MYH2: variants seen among roughly 807,000 people sequenced by gnomAD.
MYH2 encodes myosin heavy chain 2, also known as myosin-2.
A neutral mutation model predicts 228.1 loss-of-function variants in MYH2; 139 were observed. The ratio of observed to expected loss-of-function variants is 0.61; its 90% CI spans 0.53 to 0.70. MYH2 has a LOEUF of 0.70. Ranked by LOEUF, MYH2 falls within the 30% of genes least tolerant of loss-of-function variation. MYH2 has a pLI of 0.00. For synonymous variants in MYH2, 796 were observed against 871.1 expected, an observed-to-expected ratio of 0.91 and a Z score of 1.52; for missense variants, 1,809 against 2,357.5, an observed-to-expected ratio of 0.77 and a Z score of 4.82.
rs2277653 is a variant in MYH2, at chr17:10,539,660, T to C, written c.1148-98A>G. ...ACTACAAGTATTTTGTGCAGTGTTT[T>C]AAATATCTCTTTCTGAGTATCCTTA... is the stretch of plus-strand genomic sequence containing the variant. On this transcript the variant is annotated intron_variant, in intron 12 of 39. Coordinates refer to ENST00000245503, the MANE Select transcript of MYH2 (RefSeq NM_017534.6). The C allele has an allele frequency of 0.44, 576,082 of 1,319,806 alleles. 132,189 individuals are homozygous for C. The highest frequency in any genetic ancestry group is 0.84 in the East Asian group (35,696 of 42,474). The allele number at this position is 1,319,806 out of a possible 1,614,324, so 81.8% of individuals were successfully genotyped here. A position where few individuals can be genotyped will look rare whatever the true frequency, so the allele number is the denominator to read the frequency against.
rs751609117 is a variant in MYH2, at chr17:10,528,946, G to T, written c.3488C>A (p.Thr1163Asn). ...CTTGTTCATCTCAATCTGGGCTGAA[G>T]TGGCCCCACCGGCTTCTTCCAGCCT... ...SERLEEAGGA[T>N]SAQIEMNKKR... The change falls in exon 27 of 40, where the codon ACT becomes AAT. Residue 1163 changes from threonine (T) to asparagine (N), a missense_variant. Physicochemically the swap from Thr to Asn is moderately conservative, Grantham distance 65. This residue lies in a region of MYH2 where 636 missense variants were observed against 729.9 expected (regional missense o/e 0.87). Transcript: ENST00000245503. 1.2e-6 allele frequency: 2 copies of T among 1,614,164 alleles called. No homozygotes were observed. Among genetic ancestry groups the T allele is most frequent in the African/African-American group, 1.3e-5 (1 of 75,068 alleles).
intron 14 of MYH2, among the ~76,000 whole-genome samples, chr17:10,538,251 A>T (rs1213455250): frequency 6.6e-6 from 1 of 151,956 alleles, no homozygotes; most frequent in Non-Finnish European, 1.5e-5. Context: ...CTTGGCAATC[A>T]CATGGTCAGC....
intron 4 of MYH2, among the ~76,000 whole-genome samples, chr17:10,546,929 GAA>G (rs35429711): frequency 4.2e-5 from 6 of 143,556 alleles, no homozygotes; most frequent in South Asian, 4.4e-4. Context: ...AAAAAAATAC[GAA>G]AAAAAAAAAA....
In MYH2 at chr17:10,524,226, A is replaced by G. The variant is rs1567727130; in HGVS notation, c.5175+240T>C. On this transcript the variant is annotated intron_variant, in intron 35 of 39. Transcript: ENST00000245503. This position sits in a 1 kb window ranked among gnomAD's most constrained non-coding sequence, Gnocchi z 4.7. ...GTGAATATTGATAATGAGGGCCAAT[A>G]AAGATATTAACACAATAGAATACGG... 6.6e-6 allele frequency among the ~76,000 whole-genome samples: 1 copy of G among 152,218 alleles called. No individual in the cohort carries two copies. Among genetic ancestry groups the G allele is most frequent in the Non-Finnish European group, 1.5e-5 (1 of 68,040 alleles).
At position 10,524,655 on chromosome 17, in the gene MYH2, G is replaced by A. The variant is rs2142292175; in HGVS notation, c.4986C>T (p.His1662=). Residue 1662 remains histidine, a synonymous_variant, in exon 35 of 40, where the codon CAC becomes CAT. Coordinates refer to ENST00000245503, the MANE Select transcript of MYH2 (RefSeq NM_017534.6). This position sits in a 1 kb window ranked among gnomAD's most constrained non-coding sequence, Gnocchi z 4.7. The part of the protein sequence containing the change: ...TQGILKDTQI[H]LDDALRSQED... ...CCTGGCTCCGGAGAGCATCATCCAG[G>A]TGGATCTGGGTATCCTGTGAAACAA... 1.9e-6 allele frequency: 3 copies of A among 1,614,220 alleles called. No individual in the cohort carries two copies. Among genetic ancestry groups the A allele is most frequent in the South Asian group, 1.1e-5 (1 of 91,088 alleles).
chr17:10,530,546 G>A (rs79034243), intron 22 of MYH2, among the ~76,000 whole-genome samples: 1 of 127,646 alleles, frequency 7.8e-6, no homozygotes, highest in African/African-American at 2.8e-5. Context: ...TTTTTTTTTT[G>A]TAGTACTGGA....
Position 10,540,007 on chromosome 17 carries a change from C to A in MYH2, c.1068G>T (p.Thr356=). 1 of 1,614,028 alleles carries A rather than the reference C, an allele frequency of 6.2e-7. No individual in the cohort carries two copies. Reference sequence around the variant, plus strand: ...GGTTCCCATAATGCATCACAGCCCCCGTGAGCTTGTAAATGGAGACCTTTT... The same window carrying A: ...GGTTCCCATAATGCATCACAGCCCCAGTGAGCTTGTAAATGGAGACCTTTT... ...NEEKVSIYKL[T]GAVMHYGNLK... The change falls in exon 12 of 40, where the codon ACG becomes ACT. Residue 356 remains threonine, a synonymous_variant. Coordinates refer to ENST00000245503, the MANE Select transcript of MYH2 (RefSeq NM_017534.6).
chr17:10,539,419 C>T, intron 13 of MYH2, 25 bp downstream of exon 13: 1 of 1,614,120 alleles, frequency 6.2e-7, no homozygotes, highest in Non-Finnish European at 8.5e-7. Flanking sequence ...TCATCCCTGG[C>T]AGTTAATTTG....
chr17:10,546,289 A>ATATATT (rs2073631133), intron 4 of MYH2, among the ~76,000 whole-genome samples: 1 of 139,922 alleles, frequency 7.1e-6, no homozygotes, highest in Admixed American at 7.2e-5. Flanking sequence ...ATATATATAT[A>ATATATT]CATCATGATT....
At chr17:10,522,554 T>C (rs2142289324) in intron 39 of MYH2, among the ~76,000 whole-genome samples, 1 of 152,152 alleles carries the variant, frequency 6.6e-6, no homozygotes, top group South Asian at 2.1e-4. Flanking sequence ...TACTGTTTTA[T>C]TATTATTTAT....
At chr17:10,527,107 G>T in intron 28 of MYH2, 51 bp from the exon 29 acceptor site, 1 of 1,527,688 alleles carries the variant, frequency 6.5e-7, no homozygotes, top group Non-Finnish European at 9.1e-7. Flanking sequence ...ACAAGATTCT[G>T]CAAGCCCATG....
intron 27 of MYH2, 27 bp from the exon 28 acceptor site, chr17:10,527,901 AAC>A (rs756518112): frequency 1.9e-6 from 3 of 1,609,666 alleles, no homozygotes; most frequent in Non-Finnish European, 2.5e-6. Context: ...AAAAGAAGAA[AAC>A]AGAGACCTTT....
chr17:10,537,146 C>G lies in MYH2; in HGVS notation c.1897+87G>C. 2 of 1,563,714 alleles carry G rather than the reference C, an allele frequency of 1.3e-6. No homozygotes were observed. Among genetic ancestry groups the G allele is most frequent in the South Asian group, 2.2e-5 (2 of 89,966 alleles). ...GGAACCAGGGGCTTGGTCTGCAACC[C>G]TTCTGCCAGACCTAAGAGATCACTA... On this transcript the variant is annotated intron_variant, in intron 16 of 39. Transcript: ENST00000245503. The surrounding 1 kb of genome is among the most constrained non-coding windows in gnomAD (Gnocchi z 4.0).
chr17:10,547,674 C>G (rs1567738581), intron 3 of MYH2, 43 bp downstream of exon 3: 1 of 1,614,024 alleles, frequency 6.2e-7, no homozygotes, highest in Non-Finnish European at 8.5e-7. Context: ...ACAACAACAA[C>G]AAAAATCAAT....
rs2073653873 is a variant in MYH2 at position 10,547,735 on chromosome 17, C to A, written c.186G>T (p.Val62=). 1 of 1,614,120 alleles carries A rather than the reference C, an allele frequency of 6.2e-7. No individual in the cohort carries two copies. The highest frequency in any genetic ancestry group is 1.7e-5 in the Admixed American group (1 of 60,014). ...IQSREGGKVT[V]KTEGGATLTV... is the part of the protein sequence containing the mutation. The stretch of plus-strand genomic sequence containing the variant: ...TACTCACCGCTCCTCCCTCAGTCTT[C>A]ACCGTCACTTTTCCTCCTTCTCTGC... The change falls in exon 3 of 40, where the codon GTG becomes GTT. Residue 62 remains valine, a synonymous_variant. Coordinates refer to ENST00000245503, the MANE Select transcript of MYH2 (RefSeq NM_017534.6).
chr17:10,543,067 G>T lies in MYH2; in HGVS notation c.805+31C>A. ...TCAGTTTTTTAGGTCATATGAATCA[G>T]AAATGATTTTAAAGATATCTGAACA... On this transcript the variant is annotated intron_variant, in intron 9 of 39. Coordinates refer to ENST00000245503, the MANE Select transcript of MYH2 (RefSeq NM_017534.6). 3 of 1,601,008 alleles carry T rather than the reference G, an allele frequency of 1.9e-6. No homozygotes were observed. In the South Asian group the frequency reaches 3.3e-5, roughly 18 times the overall value.
At chr17:10,546,832 C>T (rs1426508908) in intron 4 of MYH2, among the ~76,000 whole-genome samples, 1 of 151,584 alleles carries the variant, frequency 6.6e-6, no homozygotes, top group Non-Finnish European at 1.5e-5. Flanking sequence ...GTAATCCCAG[C>T]ACTTTGGGAG....
chr17:10,540,255 C>G (rs969577158), intron 11 of MYH2, among the ~76,000 whole-genome samples, 189 bp from the exon 12 acceptor site: 2 of 151,886 alleles, frequency 1.3e-5, no homozygotes, highest in African/African-American at 4.8e-5. Flanking sequence ...TAGGTGCATA[C>G]CCTCTGAAGA....
intron 30 of MYH2, 141 bp from the exon 31 acceptor site, chr17:10,526,017 C>T: frequency 1.0e-6 from 1 of 995,124 alleles, no homozygotes. Context: ...TATTGATGAG[C>T]CCCTTTTATG....
Sources: gnomAD v4.1 joint callset for allele counts (sites outside exome capture counted in the v4.1 genomes callset) on GRCh38, gnomAD v4.1.1 for gene constraint, gnomAD v4.1.1 regional missense constraint, Gnocchi (gnomAD v3.1) non-coding constraint, MANE v1.5 for transcripts, NCBI Gene and HGNC (gene_info 2026-07-23, HGNC 2026-07-21) for gene names.